Variants in TRPM7 observed in about 807,000 individuals in gnomAD.
TRPM7 encodes LTRPC ion channel family member 7.
TRPM7 carries 134 observed loss-of-function variants against 229.7 expected under a neutral mutation model. The observed-to-expected ratio is 0.58, with a 90% CI of 0.51 to 0.67. The LOEUF (loss-of-function observed/expected upper bound fraction) is 0.67. TRPM7 is among the 30% of genes least tolerant of loss of function. TRPM7 has a pLI of 0.00. For missense variants in TRPM7, 1,901 were observed against 2,210.0 expected (o/e 0.86, Z 2.80); for synonymous variants, 699 against 715.2 (o/e 0.98, Z 0.36).
chr15:50,657,760 G>A (rs1331452207), intron 3 of TRPM7, 21 bp downstream of exon 3: 2 of 1,608,042 alleles, frequency 1.2e-6, no homozygotes, highest in African/African-American at 1.3e-5. Context: ...AATTTGTGCG[G>A]TATAGTTATG....
At chr15:50,646,821 C>A (rs988923118) in intron 4 of TRPM7, among the ~76,000 whole-genome samples, 1 of 152,022 alleles carries the variant, frequency 6.6e-6, no homozygotes, top group Admixed American at 6.6e-5. Context: ...ATTATAATAC[C>A]ATACTTCTGT....
At chr15:50,567,970 T>C (rs1310649426) in intron 38 of TRPM7, among the ~76,000 whole-genome samples, 1 of 150,964 alleles carries the variant, frequency 6.6e-6, no homozygotes, top group South Asian at 2.1e-4. Context: ...TCCCAGCTAC[T>C]CGGGAGGCTG....
chr15:50,599,023 T>A (rs959252175), intron 22 of TRPM7, 99 bp downstream of exon 22: 1 of 886,616 alleles, frequency 1.1e-6, no homozygotes, highest in Non-Finnish European at 1.7e-6. Context: ...AGGTTGGTAA[T>A]AGTTTGACTT....
At chr15:50,590,520 C>T (rs572989224) in intron 26 of TRPM7, among the ~76,000 whole-genome samples, 1 of 152,310 alleles carries the variant, frequency 6.6e-6, no homozygotes, top group South Asian at 2.1e-4. Context: ...CTGATACTTA[C>T]TGCTAGGCTA....
At chr15:50,576,583 A>C (rs539016738) in intron 31 of TRPM7, among the ~76,000 whole-genome samples, 1 of 152,324 alleles carries the variant, frequency 6.6e-6, no homozygotes, top group East Asian at 1.9e-4. Flanking sequence ...GGTTGAGAAG[A>C]CGTCAAAGCT....
intron 23 of TRPM7, among the ~76,000 whole-genome samples, chr15:50,595,275 G>C (rs2059603491): frequency 6.6e-6 from 1 of 151,480 alleles, no homozygotes; most frequent in Non-Finnish European, 1.5e-5. Flanking sequence ...GCCGAGTTGA[G>C]GAAACAGGCC....
Position 50,624,185 on chromosome 15 carries a change from A to C in TRPM7, c.1421T>G (p.Leu474Arg). ...SMHKFLTIPR[L>R]EELYNTKQGP... ...ACTTACAGTGTTGTAAAGTTCTTCC[A>C]GTCTCGGAATGGTAAGGAATTTATG... The change falls in exon 12 of 39, where the codon CTG (leucine) becomes CGG (arginine). Residue 474 changes from leucine (L) to arginine (R), a missense_variant. This residue lies in a region of TRPM7 where 794 missense variants were observed against 881.9 expected (regional missense o/e 0.90). Coordinates refer to ENST00000646667, the MANE Select transcript of TRPM7 (RefSeq NM_017672.6). The C allele has an allele frequency of 2.5e-6, 4 of 1,608,592 alleles. No homozygotes were observed. Among genetic ancestry groups the C allele is most frequent in the Non-Finnish European group, 3.4e-6 (4 of 1,178,280 alleles).
chr15:50,677,353 G>A (rs576441288), intron 1 of TRPM7, among the ~76,000 whole-genome samples: 24 of 151,842 alleles, frequency 1.6e-4, no homozygotes, highest in African/African-American at 5.6e-4. Context: ...TGGAGGTTAG[G>A]GCTTCAAGAT....
chr15:50,596,939 C>T (rs1049167199), intron 22 of TRPM7, among the ~76,000 whole-genome samples: 4 of 152,058 alleles, frequency 2.6e-5, no homozygotes, highest in African/African-American at 9.7e-5. Flanking sequence ...TAGTAGAGAC[C>T]GGATTTCATC....
chr15:50,633,152 C>A (rs917610139), intron 8 of TRPM7, among the ~76,000 whole-genome samples, 160 bp from the exon 9 acceptor site: 1 of 152,172 alleles, frequency 6.6e-6, no homozygotes, highest in Non-Finnish European at 1.5e-5. Context: ...AGACTCCCAA[C>A]ACAAATGTTA....
intron 33 of TRPM7, 105 bp downstream of exon 33, chr15:50,575,619 G>A: frequency 3.1e-6 from 3 of 961,486 alleles, no homozygotes; most frequent in South Asian, 1.7e-5. Context: ...GAATTTATTT[G>A]AAATTGATAC....
chr15:50,581,877 C>CT (rs957659677), intron 29 of TRPM7, among the ~76,000 whole-genome samples: 259 of 147,184 alleles, frequency 1.8e-3, no homozygotes, highest in Non-Finnish European at 2.5e-3. Context: ...TGTAGTTTAT[C>CT]TTTTTTTTTT....
At chr15:50,657,753 T>C (rs1350901414) in intron 3 of TRPM7, 28 bp downstream of exon 3, 1 of 1,603,118 alleles carries the variant, frequency 6.2e-7, no homozygotes, top group South Asian at 1.1e-5. Flanking sequence ...TTTCCGAAAT[T>C]TGTGCGGTAT....
intron 1 of TRPM7, among the ~76,000 whole-genome samples, chr15:50,667,185 G>A (rs2061905387): frequency 6.6e-6 from 1 of 152,128 alleles, no homozygotes. Context: ...TGCATGTCTG[G>A]ATCAGAGAAA....
At position 50,624,206 on chromosome 15, in the gene TRPM7, T is replaced by G. The variant is rs2140580333; in HGVS notation, c.1400A>C (p.Lys467Thr). ...LLIENGVSMH[K>T]FLTIPRLEEL... ...TTCCAGTCTCGGAATGGTAAGGAAT[T>G]TATGCATGCTTACTCCATTTTCAAT... Residue 467 changes from lysine (K) to threonine (T), a missense_variant, in exon 12 of 39, where the codon AAA becomes ACA. Physicochemically the swap from Lys to Thr is moderately conservative, Grantham distance 78 (BLOSUM62 -1). This residue lies in a region of TRPM7 where 794 missense variants were observed against 881.9 expected (regional missense o/e 0.90). Transcript: ENST00000646667. The G allele has an allele frequency of 6.2e-7, 1 of 1,612,576 alleles. No homozygotes were observed. The highest frequency in any genetic ancestry group is 8.5e-7 in the Non-Finnish European group (1 of 1,179,366).
chr15:50,658,664 G>A (rs1266091499), intron 2 of TRPM7, among the ~76,000 whole-genome samples: 3 of 151,490 alleles, frequency 2.0e-5, no homozygotes, highest in African/African-American at 4.9e-5. Flanking sequence ...CCCTATGGAA[G>A]GCCACTTGGC....
chr15:50,592,023 A>G lies in TRPM7; in HGVS notation c.4212T>C (p.Ser1404=), dbSNP rs1263512814. The part of the protein sequence containing the change: ...LSSPPTKFFV[S]TPSQPSCKSH... ...TTTTGCAACTTGGCTGAGATGGTGTACTAACAAAAAATTTGGTTGGTGGGG... is the reference window on the plus strand; with the variant it reads ...TTTTGCAACTTGGCTGAGATGGTGTGCTAACAAAAAATTTGGTTGGTGGGG... Residue 1404 remains serine (S), a synonymous_variant, in exon 26 of 39, where the codon AGT becomes AGC. Coordinates refer to ENST00000646667, the MANE Select transcript of TRPM7 (RefSeq NM_017672.6). The G allele has an allele frequency of 6.2e-7, 1 of 1,613,510 alleles. No individual in the cohort carries two copies. The highest frequency in any genetic ancestry group is 8.5e-7 in the Non-Finnish European group (1 of 1,179,778).
chr15:50,571,577 TG>T (rs1262817410), intron 36 of TRPM7, among the ~76,000 whole-genome samples: 92 of 119,352 alleles, frequency 7.7e-4, no homozygotes, highest in African/African-American at 2.5e-3. Context: ...AAAAAAAAAG[TG>T]GAAAAAAAAA....
At chr15:50,683,545 G>A (rs1468936304) in intron 1 of TRPM7, among the ~76,000 whole-genome samples, 1 of 151,964 alleles carries the variant, frequency 6.6e-6, no homozygotes, top group Non-Finnish European at 1.5e-5. Context: ...GACCAGCCTG[G>A]CCAACATGGC....
Sources: gnomAD v4.1 joint callset for allele counts (sites outside exome capture counted in the v4.1 genomes callset) on GRCh38, gnomAD v4.1.1 for gene constraint, gnomAD v4.1.1 regional missense constraint, MANE v1.5 for transcripts, NCBI Gene and HGNC (gene_info 2026-07-23, HGNC 2026-07-21) for gene names.